The following WDR20 variants were observed in gnomAD, a reference collection of about 807,000 sequenced individuals.
WDR20 encodes the protein WD repeat domain 20, also known as WD repeat-containing protein 20.
In WDR20, 3 loss-of-function variants were observed where a neutral mutation model predicts 38.7. That is an observed-to-expected ratio of 0.08 (90% CI 0.04 to 0.20). WDR20 has a LOEUF of 0.20. Among genes scored for constraint, WDR20 ranks in the 10% least tolerant of loss-of-function variants. WDR20 has a pLI of 1.00. For synonymous variants in WDR20, 298 were observed against 285.6 expected (o/e 1.04, Z -0.44); for missense variants, 559 against 727.7 (o/e 0.77, Z 2.67).
chr14:102,212,524 C>T (rs2062681200), downstream of WDR20: 1 of 1,535,962 alleles, frequency 6.5e-7, no homozygotes. Context: ...TGACAGCCGG[C>T]AGAGCACTTC....
downstream of WDR20, chr14:102,212,567 CCAAG>C: frequency 1.3e-6 from 2 of 1,535,904 alleles, no homozygotes; most frequent in Non-Finnish European, 1.7e-6. Flanking sequence ...AAGGTGTTCT[CCAAG>C]ACCAGAACTA....
intron 1 of WDR20, among the ~76,000 whole-genome samples, chr14:102,174,594 T>A (rs541100898): frequency 6.6e-6 from 1 of 152,188 alleles, no homozygotes; most frequent in African/African-American, 2.4e-5. Flanking sequence ...TAATTTTTTG[T>A]ATTTTTAGTA....
intron 1 of WDR20, among the ~76,000 whole-genome samples, chr14:102,194,270 G>A (rs553917570): frequency 2.6e-5 from 4 of 152,290 alleles, no homozygotes; most frequent in Admixed American, 2.6e-4. Context: ...AATGTTCCCC[G>A]AAACCTAATC....
downstream of WDR20, among the ~76,000 whole-genome samples, chr14:102,210,884 C>T (rs909642670): frequency 3.9e-5 from 6 of 152,142 alleles, no homozygotes; most frequent in African/African-American, 1.4e-4. Context: ...GCAGAGGAAG[C>T]GGAAGTGCAG....
intron 1 of WDR20, among the ~76,000 whole-genome samples, chr14:102,155,666 A>T (rs1233841873): frequency 1.3e-5 from 2 of 152,212 alleles, no homozygotes; most frequent in East Asian, 3.8e-4. Context: ...ACTTTAAAAA[A>T]TTTATTTATT....
At chr14:102,219,044 G>A (rs1044696848), downstream of WDR20, among the ~76,000 whole-genome samples, 1 of 152,216 alleles carries the variant, frequency 6.6e-6, no homozygotes, top group Admixed American at 6.5e-5. Context: ...CAGGGTCCCT[G>A]TCACCGGGAG....
chr14:102,168,100 C>G (rs2060105871), intron 1 of WDR20, among the ~76,000 whole-genome samples: 1 of 152,184 alleles, frequency 6.6e-6, no homozygotes, highest in African/African-American at 2.4e-5. Flanking sequence ...TACTGTATTT[C>G]TCTCTTCCCC....
chr14:102,152,587 G>A (rs904615189), intron 1 of WDR20, among the ~76,000 whole-genome samples: 3 of 151,686 alleles, frequency 2.0e-5, no homozygotes, highest in Non-Finnish European at 4.4e-5. Flanking sequence ...GCCAATTTTC[G>A]TATTTTTACT....
chr14:102,172,509 C>T (rs1428457089), intron 1 of WDR20, among the ~76,000 whole-genome samples: 31 of 146,776 alleles, frequency 2.1e-4, no homozygotes, highest in South Asian at 4.4e-4. Flanking sequence ...CCTCACCTCC[C>T]GGACGGGGCG....
At chr14:102,181,717 T>C (rs12885088) in intron 1 of WDR20, among the ~76,000 whole-genome samples, 10,672 of 152,228 alleles carry the variant, frequency 0.07, 401 homozygotes, top group African/African-American at 0.083. Flanking sequence ...TTCTATATAT[T>C]ACGTCATATG....
At chr14:102,180,431 C>T (rs894232956) in intron 1 of WDR20, among the ~76,000 whole-genome samples, 4 of 152,198 alleles carry the variant, frequency 2.6e-5, no homozygotes, top group Admixed American at 6.5e-5. Context: ...CCAGAGCTTT[C>T]TCTATATAAC....
At position 102,205,309 on chromosome 14, in the gene WDR20, A is replaced by T. The variant is rs148887863; in HGVS notation, c.433-3294A>T. 3.6e-3 allele frequency among the ~76,000 whole-genome samples: 553 copies of T among 152,168 alleles called. 3 individuals are homozygous for T. The highest frequency in any genetic ancestry group is 5.5e-3 in the Non-Finnish European group (373 of 67,992). ...TGAGAAAGCAGAGGTGAGACAGTGC[A>T]TAGTATGCTCCCTTTGGTATGAAAA... is the stretch of plus-strand genomic sequence containing the variant. On this transcript the variant is annotated intron_variant, in intron 2 of 2. Coordinates refer to ENST00000342702, the MANE Select transcript of WDR20 (RefSeq NM_144574.4).
intron 1 of WDR20, among the ~76,000 whole-genome samples, chr14:102,174,385 C>T (rs1218457097): frequency 1.3e-5 from 2 of 152,156 alleles, no homozygotes; most frequent in African/African-American, 4.8e-5. Context: ...TCGCTTTTCA[C>T]CACATCCACA....
At chr14:102,199,543 A>G (rs572956520) in intron 2 of WDR20, among the ~76,000 whole-genome samples, 40 of 152,306 alleles carry the variant, frequency 2.6e-4, no homozygotes, top group Non-Finnish European at 4.7e-4. Flanking sequence ...CCCGCTGGTC[A>G]CAATTACAGC....
At chr14:102,187,374 C>T (rs1005889078) in intron 1 of WDR20, among the ~76,000 whole-genome samples, 5 of 151,260 alleles carry the variant, frequency 3.3e-5, no homozygotes, top group South Asian at 2.1e-4. Flanking sequence ...TGATAGGCAT[C>T]GGTGAAGGGG....
At chr14:102,214,014 T>TGGCCC, downstream of WDR20, 1 of 985,482 alleles carries the variant, frequency 1.0e-6, no homozygotes, top group Non-Finnish European at 1.2e-6. Flanking sequence ...GGGGATCCGG[T>TGGCCC]GGCCCTGCCC....
At chr14:102,199,899 A>G (rs1382101798) in intron 2 of WDR20, among the ~76,000 whole-genome samples, 1 of 152,214 alleles carries the variant, frequency 6.6e-6, no homozygotes, top group Non-Finnish European at 1.5e-5. Context: ...GAAGGTAGGA[A>G]AGCATCACCT....
chr14:102,140,326 G>T (rs2050428926), intron 1 of WDR20, 154 bp downstream of exon 1: 2 of 1,251,144 alleles, frequency 1.6e-6, no homozygotes, highest in Admixed American at 2.5e-5. Flanking sequence ...TGAGGAGAGG[G>T]GATTCAGGAG....
intron 2 of WDR20, among the ~76,000 whole-genome samples, chr14:102,202,848 C>T (rs1463171998): frequency 6.6e-6 from 1 of 152,152 alleles, no homozygotes; most frequent in Non-Finnish European, 1.5e-5. Context: ...TCAAGTGATC[C>T]TCCTTGGAGA....
Sources: allele counts gnomAD v4.1 joint callset (sites outside exome capture counted in the v4.1 genomes callset), GRCh38; gene constraint gnomAD v4.1.1; transcripts MANE v1.5; gene names NCBI Gene and HGNC (gene_info 2026-07-23, HGNC 2026-07-21).